Variants in DYSF observed in about 807,000 individuals in gnomAD.
The protein encoded by DYSF is dysferlin, also known as dystrophy-associated fer-1-like 1.
DYSF carries 212 observed loss-of-function variants against 274.9 expected under a neutral mutation model. The ratio of observed to expected loss-of-function variants is 0.77; its 90% CI spans 0.69 to 0.86. DYSF has a LOEUF of 0.86. Among genes scored for constraint, DYSF ranks in the 40% least tolerant of loss-of-function variants. The pLI is 0.00. For synonymous variants in DYSF, 1,091 were observed against 1,078.7 expected, an observed-to-expected ratio of 1.01 and a Z score of -0.22; for missense variants, 2,666 against 2,783.2, an observed-to-expected ratio of 0.96 and a Z score of 0.95.
intron 42 of DYSF, among the ~76,000 whole-genome samples, chr2:71,645,714 C>T (rs528637815): frequency 2.0e-5 from 3 of 152,126 alleles, no homozygotes; most frequent in African/African-American, 4.8e-5. Flanking sequence ...ACTTACCTGA[C>T]CCCGTTCTGT....
chr2:71,653,885 A>G (rs1329415421), intron 42 of DYSF, among the ~76,000 whole-genome samples: 1 of 144,138 alleles, frequency 6.9e-6, no homozygotes, highest in Non-Finnish European at 1.6e-5. Context: ...TATAAACATA[A>G]GATAATCAAA....
chr2:71,674,267 A>G lies in DYSF; in HGVS notation c.5855A>G (p.Asn1952Ser), dbSNP rs747351345. Residue 1952 changes from asparagine (N) to serine (S), a missense_variant, in exon 52 of 56, where the codon AAT becomes AGT. Physicochemically the swap from Asn to Ser is conservative, Grantham distance 46. Around this residue, in one of 3 missense-constraint regions of DYSF, gnomAD observed 1,460 missense variants for 1,502.1 expected, o/e 0.97. Transcript: ENST00000410020. ...CGAGTGGTGTTCCAGATCTGGGACA[A>G]TGACAAGTTCTCCTTTGATGATTTT... ...PARVVFQIWD[N>S]DKFSFDDFLG... 1.1e-5 allele frequency: 18 copies of G among 1,614,254 alleles called. No individual in the cohort carries two copies. The highest frequency in any genetic ancestry group is 1.5e-5 in the Non-Finnish European group (18 of 1,180,040).
chr2:71,588,274 G>A (rs17501682), intron 30 of DYSF, among the ~76,000 whole-genome samples: 3,289 of 152,296 alleles, frequency 0.022, 49 homozygotes, highest in Non-Finnish European at 0.031. Flanking sequence ...GAAGGATTCA[G>A]GCCGAGGAGC....
intron 42 of DYSF, among the ~76,000 whole-genome samples, chr2:71,652,305 G>A (rs113401856): frequency 0.013 from 2,011 of 152,250 alleles, 16 homozygotes; most frequent in Middle Eastern, 0.054. Context: ...AAAAAGAAAC[G>A]GGTCGTTCAT....
chr2:71,669,289 C>G (rs1234934936), intron 50 of DYSF, 82 bp downstream of exon 50: 6 of 1,235,880 alleles, frequency 4.9e-6, no homozygotes, highest in Non-Finnish European at 4.7e-6. Context: ...ACGGGGGGCT[C>G]TGGCTCAGGG....
At chr2:71,602,876 C>T (rs1333217117) in intron 36 of DYSF, 71 bp downstream of exon 36, 71 of 1,573,048 alleles carry the variant, frequency 4.5e-5, no homozygotes, top group African/African-American at 9.4e-5. Flanking sequence ...TTCAAGCACA[C>T]ACCTGGAGCC....
intron 3 of DYSF, among the ~76,000 whole-genome samples, chr2:71,501,040 G>A (rs1283307609): frequency 1.3e-5 from 2 of 151,992 alleles, no homozygotes; most frequent in Non-Finnish European, 2.9e-5. Flanking sequence ...ACATACTGAC[G>A]GGTGCCTTCT....
In DYSF at chr2:71,576,004, G is replaced by A. The variant is rs143896570; in HGVS notation, c.3402+1633G>A. On this transcript the variant is annotated intron_variant, in intron 30 of 55. Coordinates refer to ENST00000410020, the MANE Select transcript of DYSF (RefSeq NM_001130987.2). Reference sequence around the variant, plus strand: ...GCTAGATAAAGTAGCCCAGCCCACAGCGCCACACTCTGTTTTCCATGCAGC... The same window carrying A: ...GCTAGATAAAGTAGCCCAGCCCACAACGCCACACTCTGTTTTCCATGCAGC... Among the ~76,000 whole-genome samples the A allele has an allele frequency of 7.9e-5, 12 of 152,346 alleles. 1 individual carries two copies. Among genetic ancestry groups the A allele is most frequent in the African/African-American group, 2.9e-4 (12 of 41,578 alleles).
chr2:71,552,976 C>T, intron 19 of DYSF, 35 bp from the exon 20 acceptor site: 1 of 1,613,178 alleles, frequency 6.2e-7, no homozygotes, highest in East Asian at 2.2e-5. Flanking sequence ...TTCTTTGCTC[C>T]TCCCGTGACC....
chr2:71,519,339 G>A (rs2086986790), intron 10 of DYSF, among the ~76,000 whole-genome samples: 1 of 151,912 alleles, frequency 6.6e-6, no homozygotes, highest in Non-Finnish European at 1.5e-5. Flanking sequence ...GAACCCAAGG[G>A]TTAAGTCAAA....
At chr2:71,642,859 C>A (rs551686102) in intron 41 of DYSF, among the ~76,000 whole-genome samples, 64 of 152,316 alleles carry the variant, frequency 4.2e-4, no homozygotes, top group African/African-American at 1.5e-3. Flanking sequence ...GGGCCACCAG[C>A]ATTTTCAGAA....
intron 55 of DYSF, among the ~76,000 whole-genome samples, chr2:71,685,845 T>C (rs967687787): frequency 1.5e-4 from 23 of 152,154 alleles, no homozygotes; most frequent in Non-Finnish European, 2.6e-4. Context: ...TTCATGGTTT[T>C]TGGGGGGAGA....
rs34603128 is a variant in DYSF at position 71,511,857 on chromosome 2, C to T, written c.396C>T (p.Pro132=). The T allele has an allele frequency of 0.12, 185,119 of 1,551,400 alleles. 12,032 individuals are homozygous for T. The highest frequency in any genetic ancestry group is 0.2 in the African/African-American group (14,767 of 73,122). The change falls in exon 5 of 56, where the codon CCC becomes CCT. Residue 132 remains proline (P), a synonymous_variant. Transcript: ENST00000410020. ...VSYTPLPGAV[P]LFPPPTPLEP... ...ACACACCGCTGCCTGGAGCTGTGCCCCTGTTCCCGCCCCCTACTCCTCTGG... is the reference window on the plus strand; with the variant it reads ...ACACACCGCTGCCTGGAGCTGTGCCTCTGTTCCCGCCCCCTACTCCTCTGG...
intron 41 of DYSF, among the ~76,000 whole-genome samples, chr2:71,636,934 A>G (rs2094413202): frequency 6.6e-6 from 1 of 152,188 alleles, no homozygotes; most frequent in South Asian, 2.1e-4. Flanking sequence ...TGCTTCAGGG[A>G]CAGAGGAGTG....
chr2:71,658,829 A>G lies in DYSF; in HGVS notation c.4756-49A>G, dbSNP rs761084376. ...ATTTGGGTGGGGACACAGCCAAACC[A>G]TATCAACAATGATGATAAAAATGAA... On this transcript the variant is annotated intron_variant, in intron 43 of 55. Transcript: ENST00000410020. The G allele has an allele frequency of 5.0e-6, 8 of 1,610,374 alleles. No homozygotes were observed. The South Asian group carries it at 5.5e-5, about 11-fold the overall frequency.
intron 41 of DYSF, among the ~76,000 whole-genome samples, chr2:71,632,560 A>G (rs2094332553): frequency 6.6e-6 from 1 of 152,198 alleles, no homozygotes; most frequent in South Asian, 2.1e-4. Context: ...TTGTTAAGCA[A>G]AATTGTCTAC....
chr2:71,503,067 G>T lies in DYSF; in HGVS notation c.240-147G>T, dbSNP rs544592750. 820 of 769,244 alleles carry T rather than the reference G, an allele frequency of 1.1e-3. 16 individuals carry two copies. The South Asian group carries it at 0.011, about 10-fold the overall frequency. The allele number at this position is 769,244 out of a possible 1,614,324, so 47.7% of individuals were successfully genotyped here. ...TGGTGCATGGTGGTGACTGGGTGTG[G>T]GGGTGCAGGAGAGCCCTCGTGGGGT... On this transcript the variant is annotated intron_variant, in intron 3 of 55. Transcript: ENST00000410020.
At chr2:71,602,740 C>A (rs376407084) in intron 35 of DYSF, 36 bp from the exon 36 acceptor site, 70 of 1,610,284 alleles carry the variant, frequency 4.3e-5, no homozygotes, top group Admixed American at 1.5e-4. Flanking sequence ...CTCTCACCAT[C>A]TCCTGGATGT....
At chr2:71,581,133 G>A (rs762926243) in intron 30 of DYSF, among the ~76,000 whole-genome samples, 2 of 152,222 alleles carry the variant, frequency 1.3e-5, no homozygotes, top group African/African-American at 2.4e-5. Flanking sequence ...GCACCCTGGC[G>A]TGGGATGAAA....
Sources: gnomAD v4.1 joint callset for allele counts (sites outside exome capture counted in the v4.1 genomes callset) on GRCh38, gnomAD v4.1.1 for gene constraint, gnomAD v4.1.1 regional missense constraint, MANE v1.5 for transcripts, NCBI Gene and HGNC (gene_info 2026-07-23, HGNC 2026-07-21) for gene names.